CASP4: variants seen among roughly 807,000 people sequenced by gnomAD.
CASP4 encodes caspase 4.
In CASP4, 29 loss-of-function variants were observed where a neutral mutation model predicts 41.3. The ratio of observed to expected loss-of-function variants is 0.70; its 90% CI spans 0.52 to 0.96. The LOEUF (loss-of-function observed/expected upper bound fraction) is 0.96, where lower values mean the gene tolerates loss of function less well. CASP4 is among the 40% of genes least tolerant of loss of function. CASP4 has a pLI of 0.00. For missense variants in CASP4, 447 were observed against 460.6 expected, an observed-to-expected ratio of 0.97 and a Z score of 0.27; for synonymous variants, 185 against 158.4, an observed-to-expected ratio of 1.17 and a Z score of -1.26.
At chr11:104,963,836 G>A (rs549629068) in intron 1 of CASP4, among the ~76,000 whole-genome samples, 7 of 152,192 alleles carry the variant, frequency 4.6e-5, no homozygotes, top group Admixed American at 3.9e-4. Flanking sequence ...AGTATAAAAT[G>A]GCATCCTTCA....
At chr11:104,966,357 T>C (rs1860975706) in intron 1 of CASP4, among the ~76,000 whole-genome samples, 1 of 152,236 alleles carries the variant, frequency 6.6e-6, no homozygotes. Context: ...TGAAACTTAC[T>C]CTGCTGTTAT....
At position 104,951,954 on chromosome 11, in the gene CASP4, G is replaced by T. The variant is rs1334829641; in HGVS notation, c.314C>A (p.Ala105Asp). The stretch of plus-strand genomic sequence containing the variant: ...TTCTTCATGAGGACAAAGCTTGAGG[G>T]CATCTGTAGATTCTCCTGACTCAGG... ...GPPESGESTD[A>D]LKLCPHEEFL... Residue 105 changes from alanine to aspartate, a missense_variant, in exon 3 of 9, where the codon GCC becomes GAC. Ala to Asp is a moderately radical substitution (Grantham distance 126, BLOSUM62 -2). Transcript: ENST00000444739. 1 of 1,612,812 alleles carries T rather than the reference G, an allele frequency of 6.2e-7. No homozygotes were observed. Among genetic ancestry groups the T allele is most frequent in the Non-Finnish European group, 8.5e-7 (1 of 1,179,334 alleles).
intron 1 of CASP4, among the ~76,000 whole-genome samples, chr11:104,964,398 A>G (rs1860928242): frequency 6.6e-6 from 1 of 152,250 alleles, no homozygotes; most frequent in Non-Finnish European, 1.5e-5. Context: ...ACAAGTAGGT[A>G]AAATACACTC....
intron 6 of CASP4, chr11:104,947,940 T>G (rs1860504021): frequency 6.6e-6 from 1 of 152,198 alleles, no homozygotes; most frequent in South Asian, 2.1e-4. Flanking sequence ...TCCAAACTCA[T>G]TAAGTTGTAT....
chr11:104,959,921 C>T (rs1860820668), intron 1 of CASP4, among the ~76,000 whole-genome samples: 2 of 152,130 alleles, frequency 1.3e-5, no homozygotes, highest in Admixed American at 1.3e-4. Flanking sequence ...GAAATAAATT[C>T]ATAAGAACTT....
At chr11:104,952,175 G>A in intron 2 of CASP4, 170 bp from the exon 3 acceptor site, 1 of 561,340 alleles carries the variant, frequency 1.8e-6, no homozygotes, top group Non-Finnish European at 3.2e-6. Context: ...TACTGGAAAA[G>A]ATAGAAAAGC....
At chr11:104,959,026 G>T (rs1392124567) in intron 1 of CASP4, among the ~76,000 whole-genome samples, 2 of 143,460 alleles carry the variant, frequency 1.4e-5, no homozygotes, top group Admixed American at 7.0e-5. Context: ...CCTATATGGA[G>T]ACACCTCTGA....
At position 104,965,721 on chromosome 11, in the gene CASP4, C is replaced by T. The variant is rs187134974; in HGVS notation, c.7+2798G>A. Reference sequence around the variant, plus strand: ...TGGGGTCCAGTCTCCCTTTGCAGGACTAACAAATTAGCTACAAGACTAAAA... The same window carrying T: ...TGGGGTCCAGTCTCCCTTTGCAGGATTAACAAATTAGCTACAAGACTAAAA... On this transcript the variant is annotated intron_variant, in intron 1 of 8. Transcript: ENST00000444739. Among the ~76,000 whole-genome samples the T allele has an allele frequency of 1.2e-3, 186 of 152,306 alleles. 1 individual carries two copies. The highest frequency in any genetic ancestry group is 4.2e-3 in the African/African-American group (174 of 41,570).
chr11:104,968,431 C>T, intron 1 of CASP4, 88 bp downstream of exon 1: 2 of 1,200,552 alleles, frequency 1.7e-6, no homozygotes, highest in Non-Finnish European at 2.5e-6. Context: ...GCTATCGGCT[C>T]ACTTCCTTTC....
intron 4 of CASP4, 93 bp downstream of exon 4, chr11:104,950,832 T>A: frequency 1.4e-6 from 1 of 737,850 alleles, no homozygotes; most frequent in South Asian, 1.8e-5. Flanking sequence ...ACCCAAAGGT[T>A]GTTAAACCTT....
rs754728872 is a variant in CASP4 at position 104,951,031 on chromosome 11, TC to T, written c.439del (p.Asp147ThrfsTer16). 5.0e-6 allele frequency: 8 copies of T among 1,613,402 alleles called. No homozygotes were observed. The African/African-American group carries it at 1.1e-4, about 22-fold the overall frequency. On this transcript the variant is annotated frameshift_variant, in exon 4 of 9. Coordinates refer to ENST00000444739, the MANE Select transcript of CASP4 (RefSeq NM_001225.4). LOFTEE classifies it high-confidence loss of function. ...LALIICNTEF[D>X]HLPPRNGADF... ...AGCTCCATTCCTCGGAGGCAGATGGTCAAACTCTGTATTGCATATGATGAGA... is the reference window on the plus strand; with the variant it reads ...AGCTCCATTCCTCGGAGGCAGATGGTAAACTCTGTATTGCATATGATGAGA...
Position 104,952,343 on chromosome 11 carries a change from A to G in CASP4, c.263-338T>C, listed in dbSNP as rs192264232. 1.3e-3 allele frequency among the ~76,000 whole-genome samples: 199 copies of G among 152,216 alleles called. 2 individuals carry two copies. Among genetic ancestry groups the G allele is most frequent in the South Asian group, 2.1e-4 (1 of 4,820 alleles). ...ACTCATTTATCTGTGTGGACTTTCT[A>G]TTGTGTCTGTGCAAGAGTATACTGA... On this transcript the variant is annotated intron_variant, in intron 2 of 8. Transcript: ENST00000444739.
In CASP4 at chr11:104,947,164, C is replaced by T. The variant is rs140833755; in HGVS notation, c.954G>A (p.Met318Ile). 40 of 1,611,410 alleles carry T rather than the reference C, an allele frequency of 2.5e-5. No individual in the cohort carries two copies. Among genetic ancestry groups the T allele is most frequent in the Non-Finnish European group, 3.4e-5 (40 of 1,178,208 alleles). The change falls in exon 7 of 9, where the codon ATG (methionine) becomes ATA (isoleucine). Residue 318 changes from methionine to isoleucine, a missense_variant. Transcript: ENST00000444739. ...TGAGTTGTGTGATGAAGATAGAGCCCATTGTGCTGTCTCTCCAGGACACGT... is the reference window on the plus strand; with the variant it reads ...TGAGTTGTGTGATGAAGATAGAGCCTATTGTGCTGTCTCTCCAGGACACGT... Reference protein sequence around the residue: ...PHNVSWRDSTMGSIFITQLIT... With the variant: ...PHNVSWRDSTIGSIFITQLIT...
chr11:104,954,556 T>G (rs1860689010), intron 2 of CASP4, among the ~76,000 whole-genome samples, 191 bp downstream of exon 2: 1 of 152,120 alleles, frequency 6.6e-6, no homozygotes. Context: ...GGACTCAGCC[T>G]TTTAGCTGAT....
Position 104,947,123 on chromosome 11 carries a change from T to C in CASP4, c.995A>G (p.Lys332Arg). The C allele has an allele frequency of 6.2e-7, 1 of 1,613,036 alleles. No homozygotes were observed. The highest frequency in any genetic ancestry group is 2.2e-5 in the East Asian group (1 of 44,838). Residue 332 changes from lysine (K) to arginine (R), a missense_variant, in exon 7 of 9, where the codon AAA (lysine) becomes AGA (arginine). Coordinates refer to ENST00000444739, the MANE Select transcript of CASP4 (RefSeq NM_001225.4). Reference protein sequence around the residue: ...FITQLITCFQKYSWCCHLEEV... With the variant: ...FITQLITCFQRYSWCCHLEEV... ...CTCTAGGTGGCAGCACCAAGAATAT[T>C]TCTGGAAGCATGTGATGAGTTGTGT...
At chr11:104,962,362 A>G (rs1180581433) in intron 1 of CASP4, among the ~76,000 whole-genome samples, 1 of 152,208 alleles carries the variant, frequency 6.6e-6, no homozygotes, top group Non-Finnish European at 1.5e-5. Flanking sequence ...TAAACAGTAA[A>G]CATCACTATA....
chr11:104,948,819 GAC>G, intron 5 of CASP4, 143 bp from the exon 6 acceptor site: 1 of 483,120 alleles, frequency 2.1e-6, no homozygotes, highest in African/African-American at 2.0e-5. Context: ...CACAGAGAGA[GAC>G]ACACACACAC....
At position 104,948,569 on chromosome 11, in the gene CASP4, C is replaced by A. The variant is rs1860520269; in HGVS notation, c.889G>T (p.Glu297Ter). 1 of 1,610,824 alleles carries A rather than the reference C, an allele frequency of 6.2e-7. No homozygotes were observed. Among genetic ancestry groups the A allele is most frequent in the Admixed American group, 1.7e-5 (1 of 59,834 alleles). ...GAGCAGAAAGCAATGAAGTCCTTCT[C>A]CACGTGGGTCTTGTAAACAGCATCT... ...EEDAVYKTHV[E>*]KDFIAFCSST... Residue 297 changes from glutamate to a stop codon, truncating the protein, a stop_gained, in exon 6 of 9, where the codon GAG (glutamate) becomes TAG (stop). Coordinates refer to ENST00000444739, the MANE Select transcript of CASP4 (RefSeq NM_001225.4). LOFTEE classifies it high-confidence loss of function.
intron 1 of CASP4, among the ~76,000 whole-genome samples, chr11:104,955,204 TTTCTTTTTTG>T (rs1475366565): frequency 6.6e-6 from 1 of 152,134 alleles, no homozygotes. Context: ...TACTTTTTAT[TTTCTTTTTTG>T]TTCTTTTTTC....
Sources: gnomAD v4.1 joint callset for allele counts (sites outside exome capture counted in the v4.1 genomes callset) on GRCh38, gnomAD v4.1.1 for gene constraint, MANE v1.5 for transcripts, NCBI Gene and HGNC (gene_info 2026-07-23, HGNC 2026-07-21) for gene names.